Variants in PSIP1 observed in about 807,000 individuals in gnomAD.
The protein encoded by PSIP1 is PC4 and SFRS1-interacting protein.
A neutral mutation model predicts 74.7 loss-of-function variants in PSIP1; 19 were observed. The observed-to-expected ratio is 0.25, with a 90% CI of 0.18 to 0.37. PSIP1 has a LOEUF of 0.37. Ranked by LOEUF, PSIP1 falls within the 10% of genes least tolerant of loss-of-function variation. The pLI is 1.00. For synonymous variants in PSIP1, 222 were observed against 195.3 expected, an observed-to-expected ratio of 1.14 and a Z score of -1.14; for missense variants, 601 against 614.3, an observed-to-expected ratio of 0.98 and a Z score of 0.23.
rs767661720 is a variant in PSIP1, at chr9:15,490,019, A to G, written c.255T>C (p.Asp85=). The change falls in exon 4 of 16, where the codon GAT becomes GAC. Residue 85 remains aspartate, a synonymous_variant. Coordinates refer to ENST00000380733, the MANE Select transcript of PSIP1 (RefSeq NM_033222.5). ...KGFNEGLWEI[D]NNPKVKFSSQ... ...TTGAAAATTTCACTTTTGGATTGTT[A>G]TCTATCTCCCATAAACCTTCATTAA... 4 of 1,589,670 alleles carry G rather than the reference A, an allele frequency of 2.5e-6. No homozygotes were observed. The African/African-American group carries it at 5.4e-5, about 22-fold the overall frequency.
At chr9:15,510,626 G>C (rs1008526257) in intron 1 of PSIP1, among the ~76,000 whole-genome samples, 191 bp downstream of exon 1, 1 of 152,128 alleles carries the variant, frequency 6.6e-6, no homozygotes, top group African/African-American at 2.4e-5. Flanking sequence ...GTGCATGGGA[G>C]AGAAAAAGGC....
intron 14 of PSIP1, 79 bp downstream of exon 14, chr9:15,468,551 G>T (rs1439422046): frequency 1.4e-6 from 2 of 1,447,716 alleles, no homozygotes; most frequent in Admixed American, 1.7e-5. Flanking sequence ...GTGAAACTAT[G>T]TATGAAAGCC....
chr9:15,483,690 G>A (rs2036434187), intron 6 of PSIP1, among the ~76,000 whole-genome samples: 1 of 152,100 alleles, frequency 6.6e-6, no homozygotes, highest in South Asian at 2.1e-4. Context: ...CAGTGAACTG[G>A]TCTCACTGCC....
intron 15 of PSIP1, 122 bp from the exon 16 acceptor site, chr9:15,465,702 G>C (rs2035577168): frequency 1.4e-6 from 1 of 728,542 alleles, no homozygotes; most frequent in Admixed American, 3.0e-5. Flanking sequence ...CCAAACAAAA[G>C]AAAAACTTGA....
chr9:15,506,672 A>G (rs1410515113), intron 2 of PSIP1, 35 bp from the exon 3 acceptor site: 1 of 1,434,068 alleles, frequency 7.0e-7, no homozygotes. Context: ...AAATATTTTA[A>G]ATCATACACA....
At chr9:15,491,457 G>A (rs966279738) in intron 3 of PSIP1, among the ~76,000 whole-genome samples, 2 of 152,178 alleles carry the variant, frequency 1.3e-5, no homozygotes, top group African/African-American at 4.8e-5. Context: ...TGTACAACAA[G>A]TACTACTGAT....
intron 8 of PSIP1, among the ~76,000 whole-genome samples, chr9:15,475,952 A>ATT (rs1369923721): frequency 6.6e-6 from 1 of 152,144 alleles, no homozygotes; most frequent in Admixed American, 6.6e-5. Context: ...TTTAACAAAC[A>ATT]TTTCTGAGGA....
rs2036542901 is a variant in PSIP1 at position 15,485,999 on chromosome 9, A to T, written c.456+7T>A. 1.9e-6 allele frequency: 3 copies of T among 1,598,928 alleles called. No homozygotes were observed. In the South Asian group the frequency reaches 3.3e-5, roughly 18 times the overall value. ...GATCCCCATGGTTGGTAAGTCAGTG[A>T]AATTACCTTTCTCTTTCTCCCCCTT... On this transcript the variant is annotated splice_region_variant and intron_variant, in intron 6 of 15. Coordinates refer to ENST00000380733, the MANE Select transcript of PSIP1 (RefSeq NM_033222.5).
At chr9:15,469,820 A>G (rs1157900123) in intron 11 of PSIP1, 118 bp downstream of exon 11, 2 of 830,894 alleles carry the variant, frequency 2.4e-6, no homozygotes, top group Non-Finnish European at 3.7e-6. Flanking sequence ...GATTTGAAAA[A>G]TTCTATTTGT....
chr9:15,470,814 T>G (rs938692133), intron 10 of PSIP1: 1 of 1,031,890 alleles, frequency 9.7e-7, no homozygotes, highest in African/African-American at 1.7e-5. Context: ...CTATTCCAGT[T>G]TAATAACTAG....
intron 15 of PSIP1, 41 bp from the exon 16 acceptor site, chr9:15,465,621 T>A: frequency 6.1e-6 from 9 of 1,473,070 alleles, no homozygotes; most frequent in Non-Finnish European, 8.4e-6. Context: ...ATTAGGATTT[T>A]CTCCTGATGA....
intron 14 of PSIP1, among the ~76,000 whole-genome samples, chr9:15,468,021 G>A (rs2035703347): frequency 6.6e-6 from 1 of 150,958 alleles, no homozygotes; most frequent in Admixed American, 6.6e-5. Flanking sequence ...TCTGGAGGTT[G>A]AGGCAGGAGA....
At position 15,493,162 on chromosome 9, in the gene PSIP1, A is replaced by T. The variant is rs534389664; in HGVS notation, c.150-3038T>A. Among the ~76,000 whole-genome samples the T allele has an allele frequency of 1.9e-3, 288 of 152,264 alleles. 2 individuals carry two copies. Among genetic ancestry groups the T allele is most frequent in the Non-Finnish European group, 3.0e-3 (205 of 68,018 alleles). On this transcript the variant is annotated intron_variant, in intron 3 of 15. Transcript: ENST00000380733. Reference sequence around the variant, plus strand: ...CCTTTTATGCTCTGTCACTTCCTAAATGCCTTGCTGCTTAGAAATTTCTTC... The same window carrying T: ...CCTTTTATGCTCTGTCACTTCCTAATTGCCTTGCTGCTTAGAAATTTCTTC...
intron 14 of PSIP1, among the ~76,000 whole-genome samples, chr9:15,467,165 T>C (rs1563863404): frequency 6.6e-6 from 1 of 152,242 alleles, no homozygotes; most frequent in Admixed American, 6.5e-5. Flanking sequence ...TGGTTGTTAC[T>C]ATTACCAGGA....
chr9:15,495,962 A>G (rs564619655), intron 3 of PSIP1, among the ~76,000 whole-genome samples: 2 of 152,256 alleles, frequency 1.3e-5, no homozygotes, highest in Middle Eastern at 3.4e-3. Flanking sequence ...TTTTTGCTGC[A>G]CTATCATCTT....
chr9:15,472,054 G>T (rs2035856690), intron 10 of PSIP1: 2 of 975,180 alleles, frequency 2.1e-6, no homozygotes, highest in Non-Finnish European at 2.4e-6. Context: ...ATAGTAAGGG[G>T]AAAGAAATTC....
intron 7 of PSIP1, 86 bp from the exon 8 acceptor site, chr9:15,478,638 T>TA (rs1212222585): frequency 1.5e-4 from 140 of 933,258 alleles, no homozygotes; most frequent in Non-Finnish European, 2.2e-4. Context: ...AAATGATACA[T>TA]ACTATTTAAG....
At chr9:15,481,129 T>C (rs537878524) in intron 6 of PSIP1, among the ~76,000 whole-genome samples, 1 of 152,326 alleles carries the variant, frequency 6.6e-6, no homozygotes, top group East Asian at 1.9e-4. Flanking sequence ...GCTCAGGTTT[T>C]ATTTCTAGAA....
In PSIP1 at chr9:15,473,102, A is replaced by G. The variant is rs150900806; in HGVS notation, c.859-352T>C. Among the ~76,000 whole-genome samples the G allele has an allele frequency of 7.4e-4, 113 of 152,342 alleles. 1 individual carries two copies. Among genetic ancestry groups the G allele is most frequent in the African/African-American group, 2.6e-3 (108 of 41,586 alleles). ...TGTTTGGTTTCTAAAAGATTAAGAA[A>G]TGAGCCAAAAATCAGATGAAAGTAA... On this transcript the variant is annotated intron_variant, in intron 9 of 15. Coordinates refer to ENST00000380733, the MANE Select transcript of PSIP1 (RefSeq NM_033222.5).
Sources: allele counts gnomAD v4.1 joint callset (sites outside exome capture counted in the v4.1 genomes callset), GRCh38; gene constraint gnomAD v4.1.1; transcripts MANE v1.5; gene names NCBI Gene and HGNC (gene_info 2026-07-23, HGNC 2026-07-21).